SMARCAL1: variants seen among roughly 807,000 people sequenced by gnomAD.
The protein encoded by SMARCAL1 is ATP-driven annealing helicase.
In SMARCAL1, 58 loss-of-function variants were observed where a neutral mutation model predicts 94.5. The ratio of observed to expected loss-of-function variants is 0.61; its 90% CI spans 0.50 to 0.76. SMARCAL1 has a LOEUF of 0.76. SMARCAL1 is among the 30% of genes least tolerant of loss of function. The pLI is 0.00. For synonymous variants in SMARCAL1, 422 were observed against 455.1 expected, an observed-to-expected ratio of 0.93 and a Z score of 0.93; for missense variants, 1,051 against 1,177.9, an observed-to-expected ratio of 0.89 and a Z score of 1.58.
intron 12 of SMARCAL1, among the ~76,000 whole-genome samples, chr2:216,454,655 T>G (rs1230491195): frequency 6.6e-6 from 1 of 152,198 alleles, no homozygotes; most frequent in Non-Finnish European, 1.5e-5. Flanking sequence ...TGGCCCGTAA[T>G]AAGTGGTATA....
Position 216,475,487 on chromosome 2 carries a change from A to G in SMARCAL1, c.2427+36A>G, listed in dbSNP as rs1313718165. 6 of 1,607,344 alleles carry G rather than the reference A, an allele frequency of 3.7e-6. No individual in the cohort carries two copies. In the Admixed American group the frequency reaches 1.0e-4, roughly 27 times the overall value. ...CAGAAGACTCAGATACTCCCCAGGCATGCTCATGGCTGTGGGCAGGAAGCA... is the reference window on the plus strand; with the variant it reads ...CAGAAGACTCAGATACTCCCCAGGCGTGCTCATGGCTGTGGGCAGGAAGCA... On this transcript the variant is annotated intron_variant, in intron 15 of 17. Coordinates refer to ENST00000357276, the MANE Select transcript of SMARCAL1 (RefSeq NM_014140.4). This position sits in a 1 kb window ranked among gnomAD's most constrained non-coding sequence, Gnocchi z 4.4.
At chr2:216,422,742 A>G (rs746971549) in intron 5 of SMARCAL1, among the ~76,000 whole-genome samples, 1 of 152,234 alleles carries the variant, frequency 6.6e-6, no homozygotes, top group Non-Finnish European at 1.5e-5. Context: ...GGAATCATAC[A>G]GTGAAGAATG....
chr2:216,449,760 C>T (rs1300906912), intron 11 of SMARCAL1, among the ~76,000 whole-genome samples: 2 of 152,220 alleles, frequency 1.3e-5, no homozygotes, highest in Middle Eastern at 3.4e-3. Context: ...CACTGGCTCC[C>T]TGATTTTCTA....
intron 14 of SMARCAL1, among the ~76,000 whole-genome samples, chr2:216,470,885 C>T (rs1384986376): frequency 2.2e-5 from 2 of 89,624 alleles, no homozygotes; most frequent in Non-Finnish European, 4.5e-5. Flanking sequence ...GATATCTAAA[C>T]AACTATGAAA....
At position 216,415,340 on chromosome 2, in the gene SMARCAL1, G is replaced by C; in HGVS notation, c.636G>C (p.Glu212Asp). The change falls in exon 3 of 18, where the codon GAG becomes GAC. Residue 212 changes from glutamate to aspartate, a missense_variant. Glu to Asp is a conservative substitution (Grantham distance 45, BLOSUM62 2). Coordinates refer to ENST00000357276, the MANE Select transcript of SMARCAL1 (RefSeq NM_014140.4). ...TTTCTTACATCCATTCTAGCTCAGA[G>C]AGTGTAACGCCCAGGACAGAAGGAA... is the stretch of plus-strand genomic sequence containing the variant. The part of the protein sequence containing the change: ...QNISYIHSSS[E>D]SVTPRTEGRL... 2 of 1,614,244 alleles carry C rather than the reference G, an allele frequency of 1.2e-6. No homozygotes were observed. The highest frequency in any genetic ancestry group is 1.1e-5 in the South Asian group (1 of 91,088).
intron 8 of SMARCAL1, among the ~76,000 whole-genome samples, chr2:216,434,989 G>A (rs879917210): frequency 1.3e-5 from 2 of 151,528 alleles, no homozygotes; most frequent in Non-Finnish European, 2.9e-5. Context: ...CTTCCGAGTA[G>A]CTGGGATTAC....
rs371238949 is a variant in SMARCAL1 at position 216,430,332 on chromosome 2, C to A, written c.1334+1550C>A. On this transcript the variant is annotated intron_variant, in intron 7 of 17. Transcript: ENST00000357276. ...TGCAAGAACTACAATTGAACACACC[C>A]ATTAATTTATAAAGCAAAATCTCTT... Among the ~76,000 whole-genome samples the A allele has an allele frequency of 2.6e-5, 4 of 152,292 alleles. No individual in the cohort carries two copies. The East Asian group carries it at 7.7e-4, about 29-fold the overall frequency.
chr2:216,477,581 A>C (rs1038813675), intron 16 of SMARCAL1, among the ~76,000 whole-genome samples: 1 of 152,144 alleles, frequency 6.6e-6, no homozygotes, highest in African/African-American at 2.4e-5. Context: ...TTTACCTTTT[A>C]TGATGTGCAT....
intron 7 of SMARCAL1, 35 bp from the exon 8 acceptor site, chr2:216,432,683 G>C (rs370338158): frequency 1.2e-6 from 2 of 1,613,674 alleles, no homozygotes; most frequent in Non-Finnish European, 1.7e-6. Flanking sequence ...CTCATGCCCC[G>C]GGAAATGTGC....
At chr2:216,440,309 A>G (rs1559128801) in intron 10 of SMARCAL1, among the ~76,000 whole-genome samples, 1 of 152,214 alleles carries the variant, frequency 6.6e-6, no homozygotes, top group Non-Finnish European at 1.5e-5. Flanking sequence ...CTATCATTAA[A>G]GATACAATGT....
At chr2:216,479,841 A>G (rs1032041371) in intron 17 of SMARCAL1, among the ~76,000 whole-genome samples, 1 of 152,194 alleles carries the variant, frequency 6.6e-6, no homozygotes, top group Non-Finnish European at 1.5e-5. Context: ...ACTTGAGCCC[A>G]GGAGTTTGAG....
intron 4 of SMARCAL1, among the ~76,000 whole-genome samples, chr2:216,416,927 G>C (rs368797736): frequency 8.5e-5 from 13 of 152,198 alleles, no homozygotes; most frequent in African/African-American, 3.1e-4. Flanking sequence ...TGTCTTCTGA[G>C]AAAACTGTCA....
At chr2:216,477,276 T>G (rs1695105535) in intron 16 of SMARCAL1, 67 bp downstream of exon 16, 2 of 1,194,626 alleles carry the variant, frequency 1.7e-6, no homozygotes, top group South Asian at 1.3e-5. Context: ...ATATGTTTAC[T>G]TTGCTCCCAA....
intron 12 of SMARCAL1, among the ~76,000 whole-genome samples, chr2:216,457,463 G>A (rs284557): frequency 0.72 from 109,800 of 152,082 alleles, 40,157 homozygotes; most frequent in African/African-American, 0.84. Flanking sequence ...AGCAAATGTA[G>A]AAGAACAAAT....
chr2:216,421,396 C>G (rs1693717371), intron 5 of SMARCAL1, among the ~76,000 whole-genome samples: 1 of 152,110 alleles, frequency 6.6e-6, no homozygotes, highest in Non-Finnish European at 1.5e-5. Context: ...CTCCCGGGTT[C>G]AAGTGATTTT....
intron 5 of SMARCAL1, 147 bp downstream of exon 5, chr2:216,420,679 C>T (rs1234129999): frequency 2.1e-5 from 15 of 730,642 alleles, no homozygotes; most frequent in East Asian, 5.4e-5. Flanking sequence ...AAAGATGACA[C>T]GTTAATTGTT....
At chr2:216,432,272 G>A (rs1251919238) in intron 7 of SMARCAL1, among the ~76,000 whole-genome samples, 2 of 152,078 alleles carry the variant, frequency 1.3e-5, no homozygotes, top group African/African-American at 4.8e-5. Context: ...GGGATTACAG[G>A]CATGAGCCAC....
chr2:216,448,558 A>G (rs1694371637), intron 11 of SMARCAL1, among the ~76,000 whole-genome samples: 3 of 152,134 alleles, frequency 2.0e-5, no homozygotes, highest in Admixed American at 1.3e-4. Context: ...CACCTCCCCA[A>G]TACAACAAAG....
At chr2:216,456,840 A>G (rs887715300) in intron 12 of SMARCAL1, among the ~76,000 whole-genome samples, 6 of 152,198 alleles carry the variant, frequency 3.9e-5, no homozygotes, top group Admixed American at 3.9e-4. Context: ...ATTCACACAT[A>G]ACAATATTAA....
Sources: allele counts gnomAD v4.1 joint callset (sites outside exome capture counted in the v4.1 genomes callset), GRCh38; gene constraint gnomAD v4.1.1; non-coding constraint Gnocchi (gnomAD v3.1); transcripts MANE v1.5; gene names NCBI Gene and HGNC (gene_info 2026-07-23, HGNC 2026-07-21).